The following RHBDF1 variants were observed in gnomAD, a reference collection of about 807,000 sequenced individuals.
The protein encoded by RHBDF1 is inactive rhomboid protein 1.
A neutral mutation model predicts 98.6 loss-of-function variants in RHBDF1; 80 were observed. The observed-to-expected ratio is 0.81, with a 90% confidence interval of 0.68 to 0.98. RHBDF1 has a LOEUF of 0.98. Ranked by LOEUF, RHBDF1 falls within the 50% of genes least tolerant of loss-of-function variation. The pLI, the probability that RHBDF1 is intolerant of heterozygous loss-of-function variation, is 0.00. For missense variants in RHBDF1, 1,116 were observed against 1,198.3 expected (o/e 0.93, Z 1.01); for synonymous variants, 512 against 486.8 (o/e 1.05, Z -0.68).
At chr16:71,378 C>T (rs1247008989) in intron 1 of RHBDF1, among the ~76,000 whole-genome samples, 3 of 152,210 alleles carry the variant, frequency 2.0e-5, no homozygotes, top group African/African-American at 4.8e-5. Context: ...GCAGGGGGCT[C>T]CGCCTCAGGG....
chr16:62,033 G>A lies in RHBDF1; in HGVS notation c.973C>T (p.Arg325Trp), dbSNP rs770120571. 10 of 1,502,698 alleles carry A rather than the reference G, an allele frequency of 6.7e-6. No homozygotes were observed. Among genetic ancestry groups the A allele is most frequent in the Admixed American group, 6.2e-5 (3 of 48,502 alleles). 93.1% of individuals were successfully genotyped at this position (1,502,698 alleles called of 1,614,324 possible). Residue 325 changes from arginine to tryptophan, a missense_variant, in exon 8 of 18, where the codon CGG (arginine) becomes TGG (tryptophan). Coordinates refer to ENST00000262316, the MANE Select transcript of RHBDF1 (RefSeq NM_022450.5). The part of the protein sequence containing the change: ...HLMLPLERGW[R>W]KQKEGAAAPQ... ...GCTGCGGCGCCCTCCTTCTGCTTCC[G>A]CCAGCCTCGCTCCAAGGGCCTGGAG...
At chr16:70,620 A>AG (rs1201739332) in intron 1 of RHBDF1, among the ~76,000 whole-genome samples, 1 of 152,206 alleles carries the variant, frequency 6.6e-6, no homozygotes, top group East Asian at 1.9e-4. Context: ...AACCCCTGGG[A>AG]GGGGTCCTCT....
At chr16:63,246 A>G in intron 4 of RHBDF1, 64 bp from the exon 5 acceptor site, 1 of 1,378,936 alleles carries the variant, frequency 7.3e-7, no homozygotes, top group Admixed American at 2.2e-5. Context: ...CCAGAGGCAC[A>G]GAGGCCTTGC....
At position 60,270 on chromosome 16, in the gene RHBDF1, A is replaced by G; in HGVS notation, c.1668T>C (p.Asp556=). 1 of 1,614,106 alleles carries G rather than the reference A, an allele frequency of 6.2e-7. No individual in the cohort carries two copies. Among genetic ancestry groups the G allele is most frequent in the South Asian group, 1.1e-5 (1 of 91,086 alleles). The change falls in exon 13 of 18, where the codon GAT becomes GAC. Residue 556 remains aspartate (D), a synonymous_variant. Coordinates refer to ENST00000262316, the MANE Select transcript of RHBDF1 (RefSeq NM_022450.5). The part of the protein sequence containing the change: ...SVCHQDPRVC[D]EPSSEDPHEW... ...CATGAGGGTCTTCGGAGGAGGGCTC[A>G]TCACACACCCTGCATGAGCCAAGTA...
intron 11 of RHBDF1, chr16:60,898 C>A: frequency 1.7e-6 from 1 of 595,328 alleles, no homozygotes; most frequent in Non-Finnish European, 2.9e-6. Context: ...TGGAAGAGTA[C>A]ACCCAAATCA....
Position 63,597 on chromosome 16 carries a change from C to A in RHBDF1, c.452G>T (p.Gly151Val), listed in dbSNP as rs771744985. ...PPLYVGPCQL[G>V]MQKIIDPLAR... ...AACAGGCAGGCATACCTTCTGCATGCCCAGCTGGCATGGCCCCACGTAGAG... is the reference window on the plus strand; with the variant it reads ...AACAGGCAGGCATACCTTCTGCATGACCAGCTGGCATGGCCCCACGTAGAG... The change falls in exon 4 of 18, where the codon GGC (glycine) becomes GTC (valine). Residue 151 changes from glycine to valine, a missense_variant. Transcript: ENST00000262316. The A allele has an allele frequency of 3.0e-5, 47 of 1,553,642 alleles. No homozygotes were observed. In the Middle Eastern group the frequency reaches 7.0e-4, roughly 23 times the overall value.
chr16:70,980 G>A (rs796095127), intron 1 of RHBDF1, among the ~76,000 whole-genome samples: 43 of 152,384 alleles, frequency 2.8e-4, no homozygotes, highest in African/African-American at 9.6e-4. Flanking sequence ...CAGACACTGA[G>A]GTGGGGGAAC....
In RHBDF1 at chr16:58,276, C is replaced by T. The variant is rs1008337162; in HGVS notation, c.*64G>A. 73 of 1,523,320 alleles carry T rather than the reference C, an allele frequency of 4.8e-5. No individual in the cohort carries two copies. Among genetic ancestry groups the T allele is most frequent in the Non-Finnish European group, 6.4e-5 (72 of 1,123,066 alleles). 94.4% of individuals were successfully genotyped at this position (1,523,320 alleles called of 1,614,324 possible). A position where few individuals can be genotyped will look rare whatever the true frequency, so the allele number is the denominator to read the frequency against. On this transcript the variant is annotated 3_prime_UTR_variant, in exon 18 of 18. Coordinates refer to ENST00000262316, the MANE Select transcript of RHBDF1 (RefSeq NM_022450.5). ...AGGTGACTCCTGTAAGCCTGTGAGG[C>T]TCAGGGAGGTCGTGTCTGGCTCTGG...
chr16:68,067 C>T (rs1050796456), intron 1 of RHBDF1, among the ~76,000 whole-genome samples: 1 of 152,010 alleles, frequency 6.6e-6, no homozygotes, highest in Non-Finnish European at 1.5e-5. Context: ...CTGTCTCAGC[C>T]GGGGACCACA....
At chr16:62,132 T>C in intron 7 of RHBDF1, 80 bp from the exon 8 acceptor site, 1 of 1,423,956 alleles carries the variant, frequency 7.0e-7, no homozygotes, top group Middle Eastern at 2.6e-4. Context: ...CAGGGCACCC[T>C]GTCTCTATCC....
chr16:64,437 G>A (rs1897765653), intron 3 of RHBDF1: 2 of 1,461,950 alleles, frequency 1.4e-6, no homozygotes, highest in Non-Finnish European at 1.8e-6. Context: ...GTACTTGTCG[G>A]CTGCTAAGAG....
rs1897730502 is a variant in RHBDF1 at position 63,664 on chromosome 16, G to T, written c.385C>A (p.Gln129Lys). 3 of 1,611,640 alleles carry T rather than the reference G, an allele frequency of 1.9e-6. No homozygotes were observed. The highest frequency in any genetic ancestry group is 2.5e-6 in the Non-Finnish European group (3 of 1,179,394). Residue 129 changes from glutamine to lysine, a missense_variant, in exon 4 of 18, where the codon CAG becomes AAG. Coordinates refer to ENST00000262316, the MANE Select transcript of RHBDF1 (RefSeq NM_022450.5). Reference protein sequence around the residue: ...QVLRELDLPSQDNVSLTSTET... With the variant: ...QVLRELDLPSKDNVSLTSTET... ...GTGCTGGTCAGCGACACGTTGTCCTGGCTGGGCAGGTCCAGCTCCCGGAGG... is the reference window on the plus strand; with the variant it reads ...GTGCTGGTCAGCGACACGTTGTCCTTGCTGGGCAGGTCCAGCTCCCGGAGG...
chr16:73,172 C>T (rs899788224), upstream of RHBDF1, among the ~76,000 whole-genome samples: 1 of 152,210 alleles, frequency 6.6e-6, no homozygotes, highest in Non-Finnish European at 1.5e-5. Flanking sequence ...TGCACATGCA[C>T]GTGCTCACAT....
Position 61,374 on chromosome 16 carries a change from C to A in RHBDF1, c.1395+11G>T, listed in dbSNP as rs780150738. 6.3e-7 allele frequency: 1 copy of A among 1,596,388 alleles called. No homozygotes were observed. Among genetic ancestry groups the A allele is most frequent in the South Asian group, 1.1e-5 (1 of 88,686 alleles). Reference sequence around the variant, plus strand: ...CGCCCCCGCCGGCCCCGCCCCCAGCCCCGTCCTCACCGAGCTGGGCCCGAT... The same window carrying A: ...CGCCCCCGCCGGCCCCGCCCCCAGCACCGTCCTCACCGAGCTGGGCCCGAT... On this transcript the variant is annotated intron_variant, in intron 10 of 17. Transcript: ENST00000262316.
At position 59,806 on chromosome 16, in the gene RHBDF1, A is replaced by T. The variant is rs773116973; in HGVS notation, c.1743T>A (p.Ala581=). Reference sequence around the variant, plus strand: ...TGTGGGGATGGTTGGTGTGGTTCCCAGCGCTGTTTTTGGTGCAGATCTGGG... The same window carrying T: ...TGTGGGGATGGTTGGTGTGGTTCCCTGCGCTGTTTTTGGTGCAGATCTGGG... The part of the protein sequence containing the change: ...TKWPICTKNS[A]GNHTNHPHMD... The change falls in exon 14 of 18, where the codon GCT becomes GCA. Residue 581 remains alanine (A), a synonymous_variant. Coordinates refer to ENST00000262316, the MANE Select transcript of RHBDF1 (RefSeq NM_022450.5). 1 of 1,613,968 alleles carries T rather than the reference A, an allele frequency of 6.2e-7. No individual in the cohort carries two copies. Among genetic ancestry groups the T allele is most frequent in the African/African-American group, 1.3e-5 (1 of 74,932 alleles).
rs1898008219 is a variant in RHBDF1 at position 72,610 on chromosome 16, G to C, written c.-122C>G. On this transcript the variant is annotated 5_prime_UTR_variant, in exon 1 of 18. Coordinates refer to ENST00000262316, the MANE Select transcript of RHBDF1 (RefSeq NM_022450.5). Reference sequence around the variant, plus strand: ...CGCGCCGAGTCCCCGCCCGCCCGCCGGTCCGGCCCGCCCGGGAATGCCCTG... The same window carrying C: ...CGCGCCGAGTCCCCGCCCGCCCGCCCGTCCGGCCCGCCCGGGAATGCCCTG... 2.0e-6 allele frequency: 2 copies of C among 976,806 alleles called. No homozygotes were observed. 60.5% of individuals were successfully genotyped at this position (976,806 alleles called of 1,614,324 possible). A position where few individuals can be genotyped will look rare whatever the true frequency, so the allele number is the denominator to read the frequency against.
rs929978660 is a variant in RHBDF1 at position 64,618 on chromosome 16, C to A, written c.248+81G>T. The A allele has an allele frequency of 2.1e-5, 32 of 1,547,148 alleles. No individual in the cohort carries two copies. In the East Asian group the frequency reaches 7.2e-4, roughly 35 times the overall value. On this transcript the variant is annotated intron_variant, in intron 3 of 17. Coordinates refer to ENST00000262316, the MANE Select transcript of RHBDF1 (RefSeq NM_022450.5). ...GCTGAAACAAGAGGGCCCTTGTTCT[C>A]ATTTCCATCCTCTGTGTACCTGCCT...
At chr16:76,124 C>G (rs1898083343), upstream of RHBDF1, 1 of 152,392 alleles carries the variant, frequency 6.6e-6, no homozygotes, top group African/African-American at 2.4e-5. Flanking sequence ...GCCTTCACTC[C>G]TTTCAAAGCC....
chr16:63,078 G>A lies in RHBDF1; in HGVS notation c.567C>T (p.Leu189=). 1 of 1,612,390 alleles carries A rather than the reference G, an allele frequency of 6.2e-7. No individual in the cohort carries two copies. The highest frequency in any genetic ancestry group is 2.2e-5 in the East Asian group (1 of 44,822). ...CTGAGCGGGAGCTGGAGAAGGAGCA[G>A]AGGGAGGCAGCACCCGGCGTGACGG... ...HTPVTPGAAS[L]CSFSSSRSGF... The change falls in exon 5 of 18, where the codon CTC becomes CTT. Residue 189 remains leucine (L), a synonymous_variant. Transcript: ENST00000262316.
Sources: allele counts gnomAD v4.1 joint callset (sites outside exome capture counted in the v4.1 genomes callset), GRCh38; gene constraint gnomAD v4.1.1; transcripts MANE v1.5; gene names NCBI Gene and HGNC (gene_info 2026-07-23, HGNC 2026-07-21).